The following ZBTB7C variants were observed in gnomAD, a reference collection of about 807,000 sequenced individuals.
ZBTB7C encodes zinc finger and BTB domain-containing protein 7C.
In ZBTB7C, 8 loss-of-function variants were observed where a neutral mutation model predicts 25.7. The observed-to-expected ratio is 0.31, with a 90% CI of 0.18 to 0.56. The LOEUF is 0.56. Ranked by LOEUF, ZBTB7C falls within the 20% of genes least tolerant of loss-of-function variation. The pLI is 0.91. For synonymous variants in ZBTB7C, 394 were observed against 369.0 expected (o/e 1.07, Z -0.78); for missense variants, 824 against 855.2 (o/e 0.96, Z 0.46).
intron 1 of ZBTB7C, among the ~76,000 whole-genome samples, chr18:48,385,489 C>A (rs1231587238): frequency 6.6e-6 from 1 of 152,180 alleles, no homozygotes; most frequent in Non-Finnish European, 1.5e-5. Context: ...TGACAGATCT[C>A]ATTTGGGGGT....
At chr18:48,342,988 G>T (rs1374168446) in intron 1 of ZBTB7C, among the ~76,000 whole-genome samples, 1 of 152,092 alleles carries the variant, frequency 6.6e-6, no homozygotes, top group East Asian at 1.9e-4. Context: ...AGTACCTGCT[G>T]GCTGGCCTGG....
At chr18:48,403,212 C>T (rs1036321321) in intron 1 of ZBTB7C, among the ~76,000 whole-genome samples, 9 of 152,224 alleles carry the variant, frequency 5.9e-5, no homozygotes, top group African/African-American at 2.2e-4. Flanking sequence ...GAGGTGGTAG[C>T]CAGTCAAGCT....
At chr18:48,358,006 G>T (rs1447140833) in intron 1 of ZBTB7C, among the ~76,000 whole-genome samples, 1 of 152,120 alleles carries the variant, frequency 6.6e-6, no homozygotes, top group Non-Finnish European at 1.5e-5. Flanking sequence ...CATCCCCTTG[G>T]TGATAAGTGA....
chr18:48,378,622 G>A (rs1217900177), intron 1 of ZBTB7C, among the ~76,000 whole-genome samples: 1 of 151,964 alleles, frequency 6.6e-6, no homozygotes, highest in Non-Finnish European at 1.5e-5. Context: ...ACTAAAGAAA[G>A]CTTCAAAATC....
At chr18:48,215,857 T>C (rs1268937741) in intron 2 of ZBTB7C, among the ~76,000 whole-genome samples, 1 of 152,226 alleles carries the variant, frequency 6.6e-6, no homozygotes, top group Non-Finnish European at 1.5e-5. Flanking sequence ...ATTCAAAATA[T>C]GCTAAAGAAA....
intron 2 of ZBTB7C, among the ~76,000 whole-genome samples, chr18:48,324,400 C>T (rs977716398): frequency 8.5e-5 from 13 of 152,108 alleles, no homozygotes; most frequent in Middle Eastern, 3.4e-3. Flanking sequence ...GTGAGGCATG[C>T]AGTTTACCCT....
chr18:48,411,047 A>AT (rs11334165), upstream of ZBTB7C, among the ~76,000 whole-genome samples: 74 of 151,466 alleles, frequency 4.9e-4, 1 homozygote, highest in East Asian at 0.011. Flanking sequence ...ACTTATTGGG[A>AT]TTTTTTTTTA....
chr18:48,103,500 A>G (rs2038924037), intron 3 of ZBTB7C, among the ~76,000 whole-genome samples: 1 of 152,212 alleles, frequency 6.6e-6, no homozygotes. Flanking sequence ...CCTTTCAGGG[A>G]CAAAGACAGC....
At chr18:48,041,263 G>A in intron 3 of ZBTB7C, 140 bp from the exon 4 acceptor site, 1 of 1,408,402 alleles carries the variant, frequency 7.1e-7, no homozygotes, top group Non-Finnish European at 9.2e-7. Flanking sequence ...TCTTAGCCTT[G>A]CCAAATCTCA....
At chr18:48,315,682 T>C (rs181509500) in intron 2 of ZBTB7C, among the ~76,000 whole-genome samples, 3 of 152,274 alleles carry the variant, frequency 2.0e-5, no homozygotes, top group Non-Finnish European at 2.9e-5. Context: ...CTCATGGGCG[T>C]GGATAGATCA....
chr18:48,324,378 G>A (rs1024703072), intron 2 of ZBTB7C, among the ~76,000 whole-genome samples: 2 of 152,118 alleles, frequency 1.3e-5, no homozygotes, highest in African/African-American at 4.8e-5. Flanking sequence ...AGGATCTGGG[G>A]TTCAGGTGTC....
intron 2 of ZBTB7C, among the ~76,000 whole-genome samples, chr18:48,280,683 T>C (rs2144631266): frequency 6.6e-6 from 1 of 152,142 alleles, no homozygotes; most frequent in East Asian, 1.9e-4. Context: ...ATTCTCATGG[T>C]TACACACCTA....
chr18:48,113,086 G>T (rs1433600119), intron 3 of ZBTB7C, among the ~76,000 whole-genome samples: 11 of 152,180 alleles, frequency 7.2e-5, no homozygotes, highest in Admixed American at 6.5e-4. Flanking sequence ...AAGTCGATGG[G>T]GTGATATTTC....
At chr18:48,287,371 G>T (rs1367566571) in intron 2 of ZBTB7C, among the ~76,000 whole-genome samples, 1 of 152,140 alleles carries the variant, frequency 6.6e-6, no homozygotes, top group East Asian at 1.9e-4. Flanking sequence ...TGAACTCTAA[G>T]ACAAATAGAA....
Position 48,310,544 on chromosome 18 carries a change from TTGTGTGTGTGTC to T in ZBTB7C, c.-79+27618_-79+27629del, listed in dbSNP as rs943605611. Among the ~76,000 whole-genome samples the T allele has an allele frequency of 9.2e-5, 14 of 152,192 alleles. No individual in the cohort carries two copies. In the South Asian group the frequency reaches 2.1e-3, roughly 23 times the overall value. ...GCCAGTGAGAGAAAGACTTTTTTCT[TTGTGTGTGTGTC>T]TGTGTGTGTGTGTGTCCCCTGAGGA... On this transcript the variant is annotated intron_variant, in intron 2 of 4. Transcript: ENST00000590800.
intron 2 of ZBTB7C, among the ~76,000 whole-genome samples, chr18:48,241,462 C>T (rs1474959281): frequency 6.6e-6 from 1 of 152,120 alleles, no homozygotes; most frequent in East Asian, 1.9e-4. Flanking sequence ...GGCCATAAAA[C>T]ACGTCTCAAT....
chr18:48,371,027 A>G (rs1368286245), intron 1 of ZBTB7C, among the ~76,000 whole-genome samples: 1 of 152,224 alleles, frequency 6.6e-6, no homozygotes, highest in Non-Finnish European at 1.5e-5. Context: ...AAGCCCCTGA[A>G]AGTAAGTGTA....
At chr18:48,190,150 A>G (rs1195366307) in intron 2 of ZBTB7C, among the ~76,000 whole-genome samples, 1 of 152,158 alleles carries the variant, frequency 6.6e-6, no homozygotes, top group Admixed American at 6.5e-5. Flanking sequence ...GTGGGAGTGC[A>G]GTGTCTGTCT....
intron 2 of ZBTB7C, among the ~76,000 whole-genome samples, chr18:48,335,292 C>A (rs910467232): frequency 6.6e-6 from 1 of 152,258 alleles, no homozygotes; most frequent in Non-Finnish European, 1.5e-5. Context: ...AGAATTACTT[C>A]TTGAAATTGA....
Sources: gnomAD v4.1 joint callset for allele counts (sites outside exome capture counted in the v4.1 genomes callset) on GRCh38, gnomAD v4.1.1 for gene constraint, MANE v1.5 for transcripts, NCBI Gene and HGNC (gene_info 2026-07-23, HGNC 2026-07-21) for gene names.